Variants in CDH1 observed in about 807,000 individuals in gnomAD.
The protein encoded by CDH1 is cadherin-1.
CDH1 carries 35 observed loss-of-function variants against 84.5 expected under a neutral mutation model. The observed-to-expected ratio is 0.41, with a 90% CI of 0.32 to 0.55. The LOEUF (loss-of-function observed/expected upper bound fraction) is 0.55. CDH1 is among the 20% of genes least tolerant of loss of function. The pLI, the probability that CDH1 is intolerant of heterozygous loss-of-function variation, is 0.19. For synonymous variants in CDH1, 417 were observed against 439.0 expected (o/e 0.95, Z 0.63); for missense variants, 994 against 1,126.6 (o/e 0.88, Z 1.68).
chr16:68,743,403 G>A lies in CDH1; in HGVS notation c.163+4992G>A, dbSNP rs1006630054. On this transcript the variant is annotated intron_variant, in intron 2 of 15. Transcript: ENST00000261769. ...TTTTGAGACGGAGTGTCACTCTGTC[G>A]CTCAGGCTGGAGTGTAGAGAGGTAG... Among the ~76,000 whole-genome samples, 10 of 146,252 alleles carry A rather than the reference G, an allele frequency of 6.8e-5. No homozygotes were observed. The East Asian group carries it at 8.1e-4, about 12-fold the overall frequency.
intron 2 of CDH1, among the ~76,000 whole-genome samples, chr16:68,770,565 C>T (rs548198243): frequency 3.1e-4 from 47 of 152,064 alleles, no homozygotes; most frequent in African/African-American, 1.1e-3. Flanking sequence ...GAGGGCAGCA[C>T]ATTCTAGAAG....
chr16:68,748,878 C>T (rs550700801), intron 2 of CDH1, among the ~76,000 whole-genome samples: 2 of 152,236 alleles, frequency 1.3e-5, no homozygotes, highest in African/African-American at 4.8e-5. Flanking sequence ...TCGCTCTTGT[C>T]GCCCAGGCTG....
chr16:68,751,692 A>G (rs891059339), intron 2 of CDH1, among the ~76,000 whole-genome samples: 10 of 149,168 alleles, frequency 6.7e-5, no homozygotes, highest in African/African-American at 2.5e-4. Flanking sequence ...TAGTAGAGAC[A>G]GGGTTTTACC....
Position 68,756,042 on chromosome 16 carries a change from GC to G in CDH1, c.163+17632del, listed in dbSNP as rs570733668. On this transcript the variant is annotated intron_variant, in intron 2 of 15. Coordinates refer to ENST00000261769, the MANE Select transcript of CDH1 (RefSeq NM_004360.5). Reference sequence around the variant, plus strand: ...GCCTCCCAAAGTGCTGGGATTACAGGCATGAATGAGCCACTGTGCCTAGCCG... The same window carrying G: ...GCCTCCCAAAGTGCTGGGATTACAGGATGAATGAGCCACTGTGCCTAGCCG... Among the ~76,000 whole-genome samples, 195 of 152,144 alleles carry G rather than the reference GC, an allele frequency of 1.3e-3. 1 individual carries two copies. The Middle Eastern group carries it at 0.014, about 11-fold the overall frequency.
chr16:68,819,181 G>T lies in CDH1; in HGVS notation c.1566-99G>T, dbSNP rs142906029. The T allele has an allele frequency of 2.5e-3, 3,411 of 1,376,690 alleles. 8 individuals carry two copies. Among genetic ancestry groups the T allele is most frequent in the Middle Eastern group, 4.5e-3 (25 of 5,568 alleles). 85.3% of individuals were successfully genotyped at this position (1,376,690 alleles called of 1,614,324 possible). A position where few individuals can be genotyped will look rare whatever the true frequency, so the allele number is the denominator to read the frequency against. ...TATTGTTGGTTTTCAAAATAAAAACGTTGGAAGTAACCATATAACTGAAGA... is the reference window on the plus strand; with the variant it reads ...TATTGTTGGTTTTCAAAATAAAAACTTTGGAAGTAACCATATAACTGAAGA... On this transcript the variant is annotated intron_variant, in intron 10 of 15. Coordinates refer to ENST00000261769, the MANE Select transcript of CDH1 (RefSeq NM_004360.5).
At chr16:68,829,548 G>A in intron 14 of CDH1, 106 bp from the exon 15 acceptor site, 1 of 1,073,118 alleles carries the variant, frequency 9.3e-7, no homozygotes, top group African/African-American at 1.6e-5. Flanking sequence ...CATACAGTTG[G>A]CAGTGAAGGC....
chr16:68,759,736 C>T (rs1254390191), intron 2 of CDH1, among the ~76,000 whole-genome samples: 1 of 152,166 alleles, frequency 6.6e-6, no homozygotes, highest in Non-Finnish European at 1.5e-5. Context: ...GGTGATCTGC[C>T]TTGGCCTCCC....
In CDH1 at chr16:68,812,276, C is replaced by G. The variant is rs928350847; in HGVS notation, c.1137+13C>G. ...CAATCCCACCACGGTAATTCTATAA[C>G]TCCTTAGAGGGTTTCCAAAGAAAGG... On this transcript the variant is annotated intron_variant, in intron 8 of 15. Coordinates refer to ENST00000261769, the MANE Select transcript of CDH1 (RefSeq NM_004360.5). 2 of 1,613,666 alleles carry G rather than the reference C, an allele frequency of 1.2e-6. No individual in the cohort carries two copies. Among genetic ancestry groups the G allele is most frequent in the African/African-American group, 2.7e-5 (2 of 74,930 alleles).
At chr16:68,747,953 AG>A (rs1310218582) in intron 2 of CDH1, among the ~76,000 whole-genome samples, 4 of 151,882 alleles carry the variant, frequency 2.6e-5, no homozygotes, top group Non-Finnish European at 5.9e-5. Flanking sequence ...TAGTAGAGAC[AG>A]GGTTTCACCA....
rs2152132477 is a variant in CDH1, at chr16:68,812,131, G to T, written c.1009-4G>T. The T allele has an allele frequency of 6.2e-7, 1 of 1,614,090 alleles. No homozygotes were observed. The highest frequency in any genetic ancestry group is 2.2e-5 in the East Asian group (1 of 44,878). On this transcript the variant is annotated splice_region_variant and splice_polypyrimidine_tract_variant and intron_variant, in intron 7 of 15. Transcript: ENST00000261769. ...CTGACTTGGTTGTGTCGATCTCTCT[G>T]CAGAGTTTCCCTACGTATACCCTGG... is the stretch of plus-strand genomic sequence containing the variant.
chr16:68,812,253 A>G lies in CDH1; in HGVS notation c.1127A>G (p.Asn376Ser), dbSNP rs1169866178. 7 of 1,614,166 alleles carry G rather than the reference A, an allele frequency of 4.3e-6. No individual in the cohort carries two copies. The highest frequency in any genetic ancestry group is 1.7e-5 in the Admixed American group (1 of 60,022). ...ACCAACGATAATCCTCCGATCTTCA[A>G]TCCCACCACGGTAATTCTATAACTC... ...TDTNDNPPIF[N>S]PTTYKGQVPE... Residue 376 changes from asparagine (N) to serine (S), a missense_variant, in exon 8 of 16, where the codon AAT becomes AGT. This residue lies in a region of CDH1 where 769 missense variants were observed against 881.8 expected (regional missense o/e 0.87). Transcript: ENST00000261769.
intron 12 of CDH1, chr16:68,823,138 T>C: frequency 2.1e-6 from 1 of 467,120 alleles, no homozygotes; most frequent in South Asian, 2.3e-5. Flanking sequence ...AGCCCCGCTC[T>C]GCCTAAGCCT....
chr16:68,795,133 A>C (rs576988522), intron 2 of CDH1, among the ~76,000 whole-genome samples: 13 of 152,264 alleles, frequency 8.5e-5, no homozygotes, highest in African/African-American at 3.1e-4. Context: ...AATGTTACTG[A>C]TTTCATGAAT....
chr16:68,818,849 C>CAAAAAA (rs758115524), intron 10 of CDH1, among the ~76,000 whole-genome samples: 3 of 72,506 alleles, frequency 4.1e-5, no homozygotes, highest in Non-Finnish European at 8.8e-5. Flanking sequence ...GACTCCGTCT[C>CAAAAAA]AAAAAAAAAA....
intron 3 of CDH1, among the ~76,000 whole-genome samples, chr16:68,804,612 G>A (rs1344022782): frequency 4.6e-5 from 7 of 151,910 alleles, no homozygotes; most frequent in Admixed American, 4.6e-4. Context: ...TTTTTATTTT[G>A]TTTTTAATCA....
intron 3 of CDH1, among the ~76,000 whole-genome samples, chr16:68,807,145 A>G (rs1197582373): frequency 6.6e-6 from 1 of 152,188 alleles, no homozygotes; most frequent in Non-Finnish European, 1.5e-5. Context: ...ATTTCCCTGC[A>G]TGTGCATAAA....
chr16:68,754,225 A>G (rs1962964494), intron 2 of CDH1, among the ~76,000 whole-genome samples: 1 of 151,936 alleles, frequency 6.6e-6, no homozygotes, highest in Non-Finnish European at 1.5e-5. Context: ...CCTGGGCAAC[A>G]TAGGGAGACC....
At chr16:68,799,356 G>A (rs1960439523) in intron 2 of CDH1, among the ~76,000 whole-genome samples, 2 of 152,152 alleles carry the variant, frequency 1.3e-5, no homozygotes, top group African/African-American at 4.8e-5. Context: ...TAAACAAACT[G>A]GGAGGGAGGG....
intron 6 of CDH1, among the ~76,000 whole-genome samples, chr16:68,811,396 CAAAAAAAAAAAAA>C (rs1158343325): frequency 6.4e-5 from 5 of 77,766 alleles, no homozygotes; most frequent in Non-Finnish European, 1.4e-4. Context: ...AACTCCGTCT[CAAAAAAAAAAAAA>C]AAAAAAAAGA....
Sources: gnomAD v4.1 joint callset for allele counts (sites outside exome capture counted in the v4.1 genomes callset) on GRCh38, gnomAD v4.1.1 for gene constraint, gnomAD v4.1.1 regional missense constraint, MANE v1.5 for transcripts, NCBI Gene and HGNC (gene_info 2026-07-23, HGNC 2026-07-21) for gene names.